Variants in S100Z observed in about 807,000 individuals in gnomAD.
S100Z encodes S100 calcium binding protein Z.
In S100Z, 11 loss-of-function variants were observed where a neutral mutation model predicts 8.5. The observed-to-expected ratio is 1.30, with a 90% CI of 0.82 to 2.15. The LOEUF is 2.15. Ranked by LOEUF, S100Z falls within the 30% of genes most tolerant of loss-of-function variation. S100Z has a pLI of 0.00. For synonymous variants in S100Z, 34 were observed against 43.8 expected (o/e 0.78, Z 0.89); for missense variants, 126 against 117.9 (o/e 1.07, Z -0.32).
intron 2 of S100Z, among the ~76,000 whole-genome samples, chr5:76,871,103 T>C (rs1312049525): frequency 6.6e-6 from 1 of 152,130 alleles, no homozygotes; most frequent in East Asian, 1.9e-4. Flanking sequence ...TGTACCTCTT[T>C]CCTTTTGGGA....
chr5:76,935,631 G>A, the S100Z span, among the ~76,000 whole-genome samples: 6 of 151,684 alleles, frequency 4.0e-5, no homozygotes, highest in Non-Finnish European at 2.9e-5. Flanking sequence ...TTGATCTAAC[G>A]TGCCTCTGAT....
intron 3 of S100Z, among the ~76,000 whole-genome samples, 197 bp from the exon 4 acceptor site, chr5:76,877,477 A>G (rs1038133642): frequency 6.6e-6 from 1 of 152,176 alleles, no homozygotes; most frequent in Non-Finnish European, 1.5e-5. Context: ...CCAGGATTAT[A>G]TGGAGCTGGG....
intron 1 of S100Z, among the ~76,000 whole-genome samples, chr5:76,868,361 T>C (rs957019568): frequency 1.3e-5 from 2 of 152,184 alleles, no homozygotes; most frequent in African/African-American, 4.8e-5. Flanking sequence ...ATCACCTTGC[T>C]TTTAAACCCC....
At chr5:76,931,286 A>C in the S100Z span, among the ~76,000 whole-genome samples, 1 of 151,604 alleles carries the variant, frequency 6.6e-6, no homozygotes, top group Non-Finnish European at 1.5e-5. Context: ...TTTTTAAAAA[A>C]CTTTTTTGTA....
the S100Z span, among the ~76,000 whole-genome samples, chr5:76,931,243 A>T: frequency 6.6e-6 from 1 of 151,684 alleles, no homozygotes; most frequent in Non-Finnish European, 1.5e-5. Context: ...AGTAGCTGGG[A>T]CTTATGGAGG....
chr5:76,878,817 A>G lies in S100Z; in HGVS notation c.*2+983A>G, dbSNP rs1052841813. Among the ~76,000 whole-genome samples the G allele has an allele frequency of 9.9e-5, 15 of 152,194 alleles. 1 individual carries two copies. Among genetic ancestry groups the G allele is most frequent in the African/African-American group, 3.6e-4 (15 of 41,444 alleles). On this transcript the variant is annotated intron_variant, in intron 4 of 4. Coordinates refer to ENST00000317593, the MANE Select transcript of S100Z (RefSeq NM_130772.4). ...GACCAGCAGTTCAGCACTGGAGATG[A>G]AGAGAAGCAGCTGAATTGGTTAAGT...
At chr5:76,907,662 C>T (rs937258089) in intron 4 of S100Z, among the ~76,000 whole-genome samples, 1 of 152,076 alleles carries the variant, frequency 6.6e-6, no homozygotes, top group Non-Finnish European at 1.5e-5. Flanking sequence ...TCTTCTTTTT[C>T]AAAATTATAT....
intron 4 of S100Z, among the ~76,000 whole-genome samples, chr5:76,886,410 G>A (rs189163630): frequency 6.6e-6 from 1 of 152,270 alleles, no homozygotes; most frequent in Non-Finnish European, 1.5e-5. Flanking sequence ...GATAGTGAGA[G>A]AGATTGGAGA....
intron 4 of S100Z, among the ~76,000 whole-genome samples, chr5:76,893,542 CA>C (rs202051229): frequency 0.019 from 2,756 of 142,326 alleles, 80 homozygotes; most frequent in East Asian, 0.14. Context: ...GATCTTATCT[CA>C]AAAAAAAAAA....
intron 2 of S100Z, among the ~76,000 whole-genome samples, chr5:76,872,153 G>A (rs771986014): frequency 6.6e-5 from 10 of 152,166 alleles, no homozygotes; most frequent in Non-Finnish European, 8.8e-5. Flanking sequence ...AAACTGAAGT[G>A]GGAGGATTGC....
At chr5:76,916,231 C>T (rs1744851349) in intron 4 of S100Z, among the ~76,000 whole-genome samples, 1 of 150,514 alleles carries the variant, frequency 6.6e-6, no homozygotes, top group East Asian at 1.9e-4. Context: ...AAATCTACCA[C>T]AAAGGCATAG....
At chr5:76,888,508 T>C (rs1364624523) in intron 4 of S100Z, among the ~76,000 whole-genome samples, 1 of 149,664 alleles carries the variant, frequency 6.7e-6, no homozygotes, top group Non-Finnish European at 1.5e-5. Flanking sequence ...CCCAAGTATC[T>C]GGGACTACAG....
At chr5:76,881,833 A>T (rs183289984) in intron 4 of S100Z, among the ~76,000 whole-genome samples, 2 of 152,336 alleles carry the variant, frequency 1.3e-5, no homozygotes, top group East Asian at 3.9e-4. Context: ...TTGTCAGCAT[A>T]AGCATTGCCC....
At chr5:76,895,284 T>A (rs1165941364) in intron 4 of S100Z, among the ~76,000 whole-genome samples, 2 of 152,190 alleles carry the variant, frequency 1.3e-5, no homozygotes, top group African/African-American at 4.8e-5. Flanking sequence ...ACAGAGCCAT[T>A]TGCCCCTTCA....
chr5:76,938,309 C>T, the S100Z span, among the ~76,000 whole-genome samples: 1 of 152,072 alleles, frequency 6.6e-6, no homozygotes, highest in Non-Finnish European at 1.5e-5. Flanking sequence ...TTCTTTATGT[C>T]CAGTTCTTAC....
chr5:76,952,307 G>A, the S100Z span, among the ~76,000 whole-genome samples: 397 of 152,312 alleles, frequency 2.6e-3, 2 homozygotes, highest in African/African-American at 9.0e-3. Flanking sequence ...AGATGGATGC[G>A]AAGGTCATGG....
intron 4 of S100Z, among the ~76,000 whole-genome samples, chr5:76,896,214 T>C (rs1174941762): frequency 6.6e-6 from 1 of 152,144 alleles, no homozygotes; most frequent in Non-Finnish European, 1.5e-5. Flanking sequence ...CTAGTAACCA[T>C]CATTCTACTC....
chr5:76,946,300 C>A, the S100Z span, among the ~76,000 whole-genome samples: 98 of 152,282 alleles, frequency 6.4e-4, no homozygotes, highest in African/African-American at 2.2e-3. Flanking sequence ...TGATGTCATT[C>A]AACAATCCTT....
intron 1 of S100Z, among the ~76,000 whole-genome samples, chr5:76,856,593 C>T (rs1468822426): frequency 6.6e-6 from 1 of 152,308 alleles, no homozygotes; most frequent in South Asian, 2.1e-4. Context: ...AGTATTGTAA[C>T]TAGTATAGCC....
Sources: gnomAD v4.1 joint callset for allele counts (sites outside exome capture counted in the v4.1 genomes callset) on GRCh38, gnomAD v4.1.1 for gene constraint, MANE v1.5 for transcripts, NCBI Gene and HGNC (gene_info 2026-07-23, HGNC 2026-07-21) for gene names.